Variants in ESRRG observed in about 807,000 individuals in gnomAD.
The protein encoded by ESRRG is estrogen related receptor gamma.
Under a neutral mutation model 44.0 loss-of-function variants are expected in ESRRG, and 13 were observed. The ratio of observed to expected loss-of-function variants is 0.30; its 90% CI spans 0.19 to 0.47. The LOEUF (loss-of-function observed/expected upper bound fraction) is 0.47. Ranked by LOEUF, ESRRG falls within the 20% of genes least tolerant of loss-of-function variation. ESRRG has a pLI of 1.00. For missense variants in ESRRG, 395 were observed against 580.6 expected (o/e 0.68, Z 3.29); for synonymous variants, 215 against 214.6 (o/e 1.00, Z -0.02).
intron 1 of ESRRG, among the ~76,000 whole-genome samples, chr1:216,964,888 A>G (rs1266068189): frequency 6.6e-6 from 1 of 152,326 alleles, no homozygotes; most frequent in East Asian, 1.9e-4. Context: ...TCATAGCCTC[A>G]TTATCAAGCT....
chr1:216,639,157 C>G (rs12021803), intron 3 of ESRRG, among the ~76,000 whole-genome samples: 2 of 151,924 alleles, frequency 1.3e-5, no homozygotes, highest in East Asian at 3.9e-4. Flanking sequence ...AGGGAGGGGA[C>G]CATTATAGAA....
At position 216,891,103 on chromosome 1, in the gene ESRRG, G is replaced by A. The variant is rs902918792; in HGVS notation, c.-14+48479C>T. On this transcript the variant is annotated intron_variant, in intron 2 of 7. Transcript: ENST00000359162. The stretch of plus-strand genomic sequence containing the variant: ...AGGTTTCCTGGCCGGAAACTCTGTT[G>A]TTGCATTTTTTATGCCTATATGTAT... Among the ~76,000 whole-genome samples, 9 of 152,138 alleles carry A rather than the reference G, an allele frequency of 5.9e-5. 1 individual carries two copies. Among genetic ancestry groups the A allele is most frequent in the Non-Finnish European group, 1.2e-4 (8 of 68,022 alleles).
chr1:216,908,530 A>G (rs1335628877), intron 2 of ESRRG, among the ~76,000 whole-genome samples: 2 of 152,192 alleles, frequency 1.3e-5, no homozygotes, highest in Non-Finnish European at 2.9e-5. Context: ...ACCATAATAT[A>G]GGTATTGTCA....
At chr1:216,872,908 T>C (rs557569946) in intron 2 of ESRRG, among the ~76,000 whole-genome samples, 1 of 152,356 alleles carries the variant, frequency 6.6e-6, no homozygotes, top group East Asian at 1.9e-4. Flanking sequence ...GTTTTGAGAC[T>C]ATGTGTCTTG....
chr1:217,003,326 A>G (rs549269306), intron 1 of ESRRG, among the ~76,000 whole-genome samples: 4 of 152,106 alleles, frequency 2.6e-5, no homozygotes, highest in Non-Finnish European at 5.9e-5. Context: ...CAGTTTCTCA[A>G]CCTATAAAAC....
At chr1:216,953,522 T>C (rs1282085587) in intron 1 of ESRRG, among the ~76,000 whole-genome samples, 1 of 152,088 alleles carries the variant, frequency 6.6e-6, no homozygotes. Flanking sequence ...ATGACCATAT[T>C]TCAGAGATTT....
At chr1:216,864,717 G>A (rs72741414) in intron 2 of ESRRG, 33,565 of 138,848 alleles carry the variant, frequency 0.24, 4,569 homozygotes, top group African/African-American at 0.45. Flanking sequence ...GATAGTCAGC[G>A]TGGAGTAACA....
At chr1:216,820,789 A>G (rs1031776711) in intron 2 of ESRRG, among the ~76,000 whole-genome samples, 1 of 152,214 alleles carries the variant, frequency 6.6e-6, no homozygotes, top group African/African-American at 2.4e-5. Context: ...GGTGTCACAT[A>G]TGATGGGGCA....
chr1:216,733,409 G>A (rs1199630876), intron 2 of ESRRG, among the ~76,000 whole-genome samples: 1 of 152,058 alleles, frequency 6.6e-6, no homozygotes, highest in Non-Finnish European at 1.5e-5. Flanking sequence ...TGTGGTGAGA[G>A]CTTTCTAGTA....
chr1:216,996,463 C>G (rs947123418), intron 1 of ESRRG, among the ~76,000 whole-genome samples: 1 of 151,054 alleles, frequency 6.6e-6, no homozygotes, highest in African/African-American at 2.4e-5. Flanking sequence ...AAATAACAGG[C>G]AAAAAGAAGG....
At chr1:216,512,285 AC>A (rs1280343041) in intron 6 of ESRRG, among the ~76,000 whole-genome samples, 1 of 152,196 alleles carries the variant, frequency 6.6e-6, no homozygotes, top group Middle Eastern at 3.2e-3. Context: ...GCCAATTTGC[AC>A]AAAATGCAAA....
At chr1:216,984,981 T>A (rs1291608585) in intron 1 of ESRRG, among the ~76,000 whole-genome samples, 1 of 152,206 alleles carries the variant, frequency 6.6e-6, no homozygotes, top group Admixed American at 6.5e-5. Context: ...CCAGTGTATG[T>A]AAGTATTATT....
rs866003381 is a variant in ESRRG, at chr1:216,868,413, G to C, written c.-14+71169C>G. On this transcript the variant is annotated intron_variant, in intron 2 of 7. Coordinates refer to the ESRRG transcript ENST00000359162. ...GGCAGATAGTTTGTTCTTTATTATTGCTGAGTAGTGTTTCATTGGATGGAT... is the reference window on the plus strand; with the variant it reads ...GGCAGATAGTTTGTTCTTTATTATTCCTGAGTAGTGTTTCATTGGATGGAT... Among the ~76,000 whole-genome samples, 16 of 152,126 alleles carry C rather than the reference G, an allele frequency of 1.1e-4. No homozygotes were observed. The Middle Eastern group carries it at 0.017, about 162-fold the overall frequency.
At chr1:216,626,443 C>A (rs1441621395) in intron 3 of ESRRG, among the ~76,000 whole-genome samples, 1 of 152,196 alleles carries the variant, frequency 6.6e-6, no homozygotes, top group East Asian at 1.9e-4. Context: ...CAGTCCAGAT[C>A]TCTTCTAGCA....
At chr1:216,948,087 G>A (rs1485047879) in intron 1 of ESRRG, among the ~76,000 whole-genome samples, 1 of 152,096 alleles carries the variant, frequency 6.6e-6, no homozygotes, top group Non-Finnish European at 1.5e-5. Context: ...AACTTTATGT[G>A]AAGGAAAAAT....
intron 2 of ESRRG, among the ~76,000 whole-genome samples, chr1:216,870,214 C>A (rs958639222): frequency 1.3e-5 from 2 of 149,316 alleles, no homozygotes; most frequent in Non-Finnish European, 3.0e-5. Context: ...ATTTGGCAAA[C>A]ATTTTTTCTG....
At chr1:216,666,774 A>C (rs1352242795) in intron 2 of ESRRG, among the ~76,000 whole-genome samples, 1 of 152,224 alleles carries the variant, frequency 6.6e-6, no homozygotes, top group Non-Finnish European at 1.5e-5. Flanking sequence ...AAAAGGCAGA[A>C]AAGTCAATGG....
intron 2 of ESRRG, among the ~76,000 whole-genome samples, chr1:216,756,339 G>A (rs560999516): frequency 6.6e-6 from 1 of 152,018 alleles, no homozygotes; most frequent in East Asian, 1.9e-4. Context: ...AAGAGTTTGG[G>A]AAATGTGCCA....
chr1:216,638,872 T>A (rs575413591), intron 3 of ESRRG, among the ~76,000 whole-genome samples: 2 of 152,268 alleles, frequency 1.3e-5, no homozygotes, highest in African/African-American at 2.4e-5. Context: ...TCACCCCAAC[T>A]CTAGATGTTG....
Sources: gnomAD v4.1 joint callset for allele counts (sites outside exome capture counted in the v4.1 genomes callset) on GRCh38, gnomAD v4.1.1 for gene constraint, MANE v1.5 for transcripts, NCBI Gene and HGNC (gene_info 2026-07-23, HGNC 2026-07-21) for gene names.